The following OPRM1 variants were observed in gnomAD, a reference collection of about 807,000 sequenced individuals.
OPRM1 encodes opioid receptor mu 1, also known as mu-type opioid receptor.
Under a neutral mutation model 31.8 loss-of-function variants are expected in OPRM1, and 27 were observed. The observed-to-expected ratio is 0.85, with a 90% confidence interval of 0.63 to 1.17. The LOEUF (loss-of-function observed/expected upper bound fraction) is 1.17, where lower values mean the gene tolerates loss of function less well. OPRM1 is among the 50% of genes most tolerant of loss of function. The probability of loss-of-function intolerance (pLI) is 0.00; values close to 1 mark genes in which losing one functional copy is unlikely to be tolerated. For missense variants in OPRM1, 536 were observed against 511.1 expected (o/e 1.05, Z -0.47); for synonymous variants, 196 against 189.9 (o/e 1.03, Z -0.26).
chr6:154,193,744 A>T (rs9371780), intron 3 of OPRM1, among the ~76,000 whole-genome samples: 101,806 of 152,154 alleles, frequency 0.67, 34,644 homozygotes, highest in East Asian at 0.89. Flanking sequence ...GCTGCCAGAC[A>T]GACAAGGAGG....
Position 154,103,623 on chromosome 6 carries a change from A to G in OPRM1, c.1164+12151A>G, listed in dbSNP as rs186209432. Among the ~76,000 whole-genome samples, 4 of 152,336 alleles carry G rather than the reference A, an allele frequency of 2.6e-5. No homozygotes were observed. The East Asian group carries it at 7.7e-4, about 29-fold the overall frequency. On this transcript the variant is annotated intron_variant, in intron 3 of 3. Transcript: ENST00000330432. ...AAAGAAATAAAAGAATAGCTACTCCATAGAGCAGCCCTGAGGGCTTCTGGT... is the reference window on the plus strand; with the variant it reads ...AAAGAAATAAAAGAATAGCTACTCCGTAGAGCAGCCCTGAGGGCTTCTGGT...
At chr6:154,189,032 T>G (rs1335916896) in intron 3 of OPRM1, among the ~76,000 whole-genome samples, 1 of 151,952 alleles carries the variant, frequency 6.6e-6, no homozygotes, top group Non-Finnish European at 1.5e-5. Flanking sequence ...ACAAGAAAAG[T>G]GAAGTAAAAA....
intron 3 of OPRM1, among the ~76,000 whole-genome samples, chr6:154,142,862 C>T (rs1798256913): frequency 6.6e-6 from 1 of 152,168 alleles, no homozygotes; most frequent in Non-Finnish European, 1.5e-5. Flanking sequence ...GCCTTGCAGT[C>T]CATGGTTTCT....
intron 1 of OPRM1, among the ~76,000 whole-genome samples, chr6:154,078,956 C>A (rs1218220970): frequency 6.6e-6 from 1 of 152,096 alleles, no homozygotes; most frequent in Non-Finnish European, 1.5e-5. Flanking sequence ...AAAATAAAAG[C>A]TGGTGAAAAT....
rs563804295 is a variant in OPRM1 at position 154,064,819 on chromosome 6, G to A, written c.290+24985G>A. ...GGCATGTAGGCAAGGGTTTATTTCT[G>A]GGATCTCTACTCTATTCCATTGGTC... On this transcript the variant is annotated intron_variant, in intron 1 of 3. Transcript: ENST00000330432. Among the ~76,000 whole-genome samples the A allele has an allele frequency of 1.6e-3, 237 of 152,190 alleles. 1 individual carries two copies. The highest frequency in any genetic ancestry group is 5.4e-3 in the African/African-American group (225 of 41,546).
intron 2 of OPRM1, 58 bp downstream of exon 2, chr6:154,090,236 G>A: frequency 8.7e-7 from 1 of 1,145,616 alleles, no homozygotes; most frequent in South Asian, 1.4e-5. Flanking sequence ...TGTTGGTGAT[G>A]TCATAAGCAA....
chr6:154,161,732 C>T (rs1799036834), intron 3 of OPRM1, among the ~76,000 whole-genome samples: 1 of 152,144 alleles, frequency 6.6e-6, no homozygotes, highest in Non-Finnish European at 1.5e-5. Context: ...GAAACATTTC[C>T]TTCATCCCTG....
chr6:154,102,433 C>T (rs530652393), intron 3 of OPRM1, among the ~76,000 whole-genome samples: 1 of 152,268 alleles, frequency 6.6e-6, no homozygotes, highest in South Asian at 2.1e-4. Context: ...TCCGGTGAGG[C>T]TTTACTATTC....
Position 154,241,798 on chromosome 6 carries a change from C to T in OPRM1, c.1165-4895C>T, listed in dbSNP as rs73567189. ...ATGCCAATTTCACGAGCTCACCTTC[C>T]GGCTCAAGAATAGGCAGTGGCTCCC... On this transcript the variant is annotated intron_variant, in intron 3 of 3. Coordinates refer to the OPRM1 transcript ENST00000337049. Among the ~76,000 whole-genome samples, 612 of 152,222 alleles carry T rather than the reference C, an allele frequency of 4.0e-3. 5 individuals are homozygous for T. Among genetic ancestry groups the T allele is most frequent in the African/African-American group, 0.014 (578 of 41,520 alleles).
At chr6:154,029,082 T>A (rs1778863190) in intron 1 of OPRM1, among the ~76,000 whole-genome samples, 2 of 152,226 alleles carry the variant, frequency 1.3e-5, no homozygotes, top group Non-Finnish European at 2.9e-5. Context: ...TTGGTCTAGC[T>A]TATCAGTAGC....
intron 1 of OPRM1, among the ~76,000 whole-genome samples, chr6:154,081,074 G>A (rs1448771118): frequency 6.6e-6 from 1 of 152,164 alleles, no homozygotes; most frequent in African/African-American, 2.4e-5. Context: ...GAGAAGTATT[G>A]TCTCTGAGAA....
At chr6:154,079,437 C>T (rs1044069373) in intron 1 of OPRM1, among the ~76,000 whole-genome samples, 1 of 152,076 alleles carries the variant, frequency 6.6e-6, no homozygotes, top group Admixed American at 6.6e-5. Context: ...AGGGCAGAGA[C>T]CAGAGAGATA....
Position 154,091,188 on chromosome 6 carries a change from T to C in OPRM1, c.880T>C (p.Cys294Arg), listed in dbSNP as rs79560090. 6.2e-7 allele frequency: 1 copy of C among 1,614,166 alleles called. No individual in the cohort carries two copies. The highest frequency in any genetic ancestry group is 1.3e-5 in the African/African-American group (1 of 75,038). ...VLVVVAVFIV[C>R]WTPIHIYVII... is the part of the protein sequence containing the mutation. ...GGTGGTGGTGGCTGTGTTCATCGTC[T>C]GCTGGACTCCCATTCACATTTACGT... Residue 294 changes from cysteine (C) to arginine (R), a missense_variant, in exon 3 of 4, where the codon TGC (cysteine) becomes CGC (arginine). Physicochemically the swap from Cys to Arg is radical, Grantham distance 180. Transcript: ENST00000330432.
intron 3 of OPRM1, among the ~76,000 whole-genome samples, chr6:154,231,546 T>C (rs1221876960): frequency 1.3e-5 from 2 of 152,234 alleles, no homozygotes; most frequent in Admixed American, 6.5e-5. Context: ...TGAATAACTA[T>C]GAAAAACGCC....
At chr6:154,022,054 C>G (rs1278038936) in intron 1 of OPRM1, among the ~76,000 whole-genome samples, 1 of 152,164 alleles carries the variant, frequency 6.6e-6, no homozygotes, top group Non-Finnish European at 1.5e-5. Context: ...TGCCTTGCTC[C>G]TTATCTTAGT....
At chr6:154,021,175 G>A (rs1164723845) in intron 1 of OPRM1, among the ~76,000 whole-genome samples, 8 of 152,100 alleles carry the variant, frequency 5.3e-5, no homozygotes, top group East Asian at 1.9e-4. Flanking sequence ...ATCTTTTTGC[G>A]TGTGAACATC....
chr6:154,215,802 A>G (rs985439525), intron 3 of OPRM1, among the ~76,000 whole-genome samples: 12 of 152,160 alleles, frequency 7.9e-5, no homozygotes, highest in African/African-American at 2.9e-4. Context: ...TCAAGTCTCA[A>G]TAGGATAACA....
chr6:154,131,225 G>A lies in OPRM1; in HGVS notation c.*12504G>A, dbSNP rs994793129. On this transcript the variant is annotated 3_prime_UTR_variant, in exon 4 of 4. Coordinates refer to ENST00000330432, the MANE Select transcript of OPRM1 (RefSeq NM_000914.5). ...CTTGGTTTTAAAAGATACATATAAT[G>A]TTTCCGTAGGAAAAAAATCAAAATA... 6.6e-6 allele frequency among the ~76,000 whole-genome samples: 1 copy of A among 152,114 alleles called. No individual in the cohort carries two copies. Among genetic ancestry groups the A allele is most frequent in the Non-Finnish European group, 1.5e-5 (1 of 68,020 alleles).
At chr6:154,133,910 A>C (rs1797992109), downstream of OPRM1, among the ~76,000 whole-genome samples, 1 of 152,216 alleles carries the variant, frequency 6.6e-6, no homozygotes, top group Non-Finnish European at 1.5e-5. Context: ...GGCCAAAGGG[A>C]TTGTGATAAA....
Sources: allele counts gnomAD v4.1 joint callset (sites outside exome capture counted in the v4.1 genomes callset), GRCh38; gene constraint gnomAD v4.1.1; transcripts MANE v1.5; gene names NCBI Gene and HGNC (gene_info 2026-07-23, HGNC 2026-07-21).